Variants in CNTNAP2 observed in about 807,000 individuals in gnomAD.
The protein encoded by CNTNAP2 is contactin associated protein 2, also known as contactin-associated protein-like 2.
In CNTNAP2, 98 loss-of-function variants were observed where a neutral mutation model predicts 155.2. That is an observed-to-expected ratio of 0.63 (90% CI 0.54 to 0.75). The LOEUF (loss-of-function observed/expected upper bound fraction) is 0.75. Ranked by LOEUF, CNTNAP2 falls within the 30% of genes least tolerant of loss-of-function variation. The probability of loss-of-function intolerance (pLI) is 0.00; values close to 1 mark genes in which losing one functional copy is unlikely to be tolerated. For missense variants in CNTNAP2, 1,727 were observed against 1,688.1 expected (o/e 1.02, Z -0.40); for synonymous variants, 651 against 631.2 (o/e 1.03, Z -0.47).
At chr7:146,975,992 G>A (rs1024130871) in intron 3 of CNTNAP2, among the ~76,000 whole-genome samples, 1 of 152,140 alleles carries the variant, frequency 6.6e-6, no homozygotes, top group Non-Finnish European at 1.5e-5. Flanking sequence ...ATGATGATGA[G>A]CGAAGAAACC....
chr7:148,145,526 C>T (rs944693946), intron 16 of CNTNAP2, among the ~76,000 whole-genome samples: 1 of 152,160 alleles, frequency 6.6e-6, no homozygotes, highest in Non-Finnish European at 1.5e-5. Flanking sequence ...AATTCTATTT[C>T]CTTGATGGCA....
intron 15 of CNTNAP2, among the ~76,000 whole-genome samples, chr7:148,015,383 C>T (rs905490132): frequency 6.6e-6 from 1 of 152,156 alleles, no homozygotes; most frequent in African/African-American, 2.4e-5. Flanking sequence ...CAGGAAGCAA[C>T]TCTCCTGCAG....
At chr7:146,469,518 CTTTTTTT>C (rs544057518) in intron 1 of CNTNAP2, among the ~76,000 whole-genome samples, 61 of 129,078 alleles carry the variant, frequency 4.7e-4, no homozygotes, top group African/African-American at 1.5e-3. Flanking sequence ...TAATAATTGA[CTTTTTTT>C]TTTTTTTTTT....
intron 12 of CNTNAP2, among the ~76,000 whole-genome samples, chr7:147,610,291 T>C (rs1397791545): frequency 4.7e-5 from 6 of 129,006 alleles, no homozygotes; most frequent in Non-Finnish European, 8.8e-5. Flanking sequence ...GTTGTAGTTT[T>C]CAAGTGGTTT....
chr7:147,729,778 T>C (rs551772756), intron 13 of CNTNAP2, among the ~76,000 whole-genome samples: 2 of 152,082 alleles, frequency 1.3e-5, no homozygotes, highest in South Asian at 4.1e-4. Context: ...TGTTTTTAAA[T>C]GGTGGACAAT....
At chr7:147,056,975 T>G (rs1353201594) in intron 4 of CNTNAP2, among the ~76,000 whole-genome samples, 1 of 151,796 alleles carries the variant, frequency 6.6e-6, no homozygotes, top group Admixed American at 6.6e-5. Context: ...TGGGGTTATT[T>G]TTTTTTTGGT....
chr7:146,434,884 T>C (rs958638686), intron 1 of CNTNAP2, among the ~76,000 whole-genome samples: 11 of 152,204 alleles, frequency 7.2e-5, no homozygotes, highest in Non-Finnish European at 1.5e-4. Flanking sequence ...GAATCCCCTA[T>C]GTGTGCCAGG....
intron 1 of CNTNAP2, among the ~76,000 whole-genome samples, chr7:146,559,212 TAC>T (rs138872132): frequency 1.3e-4 from 19 of 151,480 alleles, no homozygotes; most frequent in South Asian, 2.1e-4. Flanking sequence ...TATATATACA[TAC>T]ACACACACAC....
At chr7:147,953,475 G>A (rs1391209287) in intron 14 of CNTNAP2, among the ~76,000 whole-genome samples, 4 of 152,056 alleles carry the variant, frequency 2.6e-5, no homozygotes, top group South Asian at 2.1e-4. Flanking sequence ...CATGGCACAC[G>A]TTCACCTATG....
intron 8 of CNTNAP2, among the ~76,000 whole-genome samples, chr7:147,188,167 T>C (rs1263762856): frequency 6.6e-6 from 1 of 152,166 alleles, no homozygotes; most frequent in Non-Finnish European, 1.5e-5. Context: ...AGAAGAGATT[T>C]ATAAAAAATA....
rs553467703 is a variant in CNTNAP2 at position 147,983,540 on chromosome 7, T to C, written c.2383+5551T>C. ...AGTGGCCATGGCCCAAGGTACAGGC[T>C]CAAGAGGTCCTCAGAACATGTGTCC... On this transcript the variant is annotated intron_variant, in intron 15 of 23. Coordinates refer to ENST00000361727, the MANE Select transcript of CNTNAP2 (RefSeq NM_014141.6). Among the ~76,000 whole-genome samples the C allele has an allele frequency of 5.3e-5, 8 of 152,340 alleles. No individual in the cohort carries two copies. The South Asian group carries it at 1.2e-3, about 24-fold the overall frequency.
intron 13 of CNTNAP2, among the ~76,000 whole-genome samples, chr7:147,802,248 C>T (rs1226970079): frequency 1.9e-4 from 29 of 149,494 alleles, no homozygotes; most frequent in Non-Finnish European, 1.0e-4. Context: ...CCTCACTTCC[C>T]AGATGGGATG....
chr7:147,525,509 G>A (rs1280600358), intron 11 of CNTNAP2, among the ~76,000 whole-genome samples: 1 of 152,316 alleles, frequency 6.6e-6, no homozygotes, highest in African/African-American at 2.4e-5. Context: ...CCAGATACTT[G>A]TGGGAACTAA....
chr7:146,207,642 T>TG (rs1562990191), intron 1 of CNTNAP2, among the ~76,000 whole-genome samples: 2 of 148,724 alleles, frequency 1.3e-5, no homozygotes, highest in African/African-American at 5.0e-5. Flanking sequence ...ACTGTGTTTT[T>TG]TTTTTTTTTT....
chr7:148,272,803 T>C (rs543010923), intron 21 of CNTNAP2, among the ~76,000 whole-genome samples: 1 of 152,320 alleles, frequency 6.6e-6, no homozygotes, highest in African/African-American at 2.4e-5. Context: ...ATGAGAATCA[T>C]GTCCAGAGCG....
intron 15 of CNTNAP2, among the ~76,000 whole-genome samples, chr7:148,016,918 G>A (rs985883212): frequency 6.6e-6 from 1 of 152,122 alleles, no homozygotes; most frequent in African/African-American, 2.4e-5. Context: ...AGATGCTATG[G>A]ATAGAGCATC....
intron 13 of CNTNAP2, among the ~76,000 whole-genome samples, chr7:147,825,807 A>C (rs1291897047): frequency 1.3e-5 from 2 of 152,184 alleles, no homozygotes; most frequent in African/African-American, 2.4e-5. Context: ...GTTGGAGGGC[A>C]ACAGAGATCT....
At chr7:146,639,799 A>C (rs1227025402) in intron 1 of CNTNAP2, among the ~76,000 whole-genome samples, 1 of 152,256 alleles carries the variant, frequency 6.6e-6, no homozygotes, top group African/African-American at 2.4e-5. Context: ...TCACAGTTTT[A>C]GTAGACAAGG....
intron 11 of CNTNAP2, among the ~76,000 whole-genome samples, chr7:147,522,614 G>A (rs1799247130): frequency 6.6e-6 from 1 of 151,978 alleles, no homozygotes; most frequent in Non-Finnish European, 1.5e-5. Context: ...ATAAGGAGCA[G>A]TAAACATTTT....
Sources: gnomAD v4.1 joint callset for allele counts (sites outside exome capture counted in the v4.1 genomes callset) on GRCh38, gnomAD v4.1.1 for gene constraint, MANE v1.5 for transcripts, NCBI Gene and HGNC (gene_info 2026-07-23, HGNC 2026-07-21) for gene names.